TMTC2: variants seen among roughly 807,000 people sequenced by gnomAD.
The protein encoded by TMTC2 is protein O-mannosyl-transferase TMTC2.
In TMTC2, 43 loss-of-function variants were observed where a neutral mutation model predicts 82.4. The observed-to-expected ratio is 0.52, with a 90% CI of 0.41 to 0.67. The LOEUF (loss-of-function observed/expected upper bound fraction) is 0.67. Among genes scored for constraint, TMTC2 ranks in the 30% least tolerant of loss-of-function variants. The probability of loss-of-function intolerance (pLI) is 0.00; values close to 1 mark genes in which losing one functional copy is unlikely to be tolerated. For missense variants in TMTC2, 919 were observed against 1,012.4 expected (o/e 0.91, Z 1.25); for synonymous variants, 408 against 381.9 (o/e 1.07, Z -0.80).
At chr12:83,104,217 C>T (rs1391546000) in intron 11 of TMTC2, among the ~76,000 whole-genome samples, 1 of 152,204 alleles carries the variant, frequency 6.6e-6, no homozygotes, top group East Asian at 1.9e-4. Context: ...GCCCAGAGTG[C>T]AATCTCCTGG....
intron 2 of TMTC2, among the ~76,000 whole-genome samples, chr12:82,881,681 C>G (rs959448152): frequency 6.6e-6 from 1 of 152,206 alleles, no homozygotes; most frequent in Non-Finnish European, 1.5e-5. Flanking sequence ...ATGAAATACT[C>G]CACTAGCTTA....
intron 1 of TMTC2, among the ~76,000 whole-genome samples, chr12:82,846,344 C>T (rs1022332496): frequency 1.1e-4 from 16 of 151,894 alleles, no homozygotes; most frequent in African/African-American, 2.2e-4. Context: ...GGCAACAGAA[C>T]GAGACTCTGT....
In TMTC2 at chr12:82,965,093, C is replaced by G. The variant is rs760845344; in HGVS notation, c.1668C>G (p.Ser556Arg). The change falls in exon 5 of 12, where the codon AGC (serine) becomes AGG (arginine). Residue 556 changes from serine to arginine, a missense_variant. By Grantham distance (110) the Ser-to-Arg change is moderately radical. Transcript: ENST00000321196. ...ATTATTATAAATTGGCCATTGGGAG[C>G]AGGCCTACCCTGGCTTGTAAGTAAT... ...ALHYYKLAIGSRPTLASAYLN... is the reference protein window; with the variant it reads ...ALHYYKLAIGRRPTLASAYLN... The G allele has an allele frequency of 6.2e-7, 1 of 1,611,162 alleles. No homozygotes were observed. The highest frequency in any genetic ancestry group is 2.2e-5 in the East Asian group (1 of 44,766).
chr12:83,014,349 G>A (rs986140653), intron 8 of TMTC2, among the ~76,000 whole-genome samples: 1 of 151,922 alleles, frequency 6.6e-6, no homozygotes, highest in Non-Finnish European at 1.5e-5. Context: ...TTTGGTTTTT[G>A]TTTTGTTTTG....
At chr12:82,781,707 T>C (rs1393350259) in intron 1 of TMTC2, among the ~76,000 whole-genome samples, 2 of 150,586 alleles carry the variant, frequency 1.3e-5, no homozygotes, top group African/African-American at 4.9e-5. Context: ...TTATTGTTTT[T>C]TTTTTTTTTT....
At chr12:83,064,973 C>A (rs564971423) in intron 11 of TMTC2, among the ~76,000 whole-genome samples, 1 of 151,884 alleles carries the variant, frequency 6.6e-6, no homozygotes, top group Non-Finnish European at 1.5e-5. Context: ...TAGTTTTATC[C>A]CCTACACAGT....
intron 1 of TMTC2, among the ~76,000 whole-genome samples, chr12:82,799,980 A>G (rs2137034471): frequency 6.6e-6 from 1 of 152,130 alleles, no homozygotes; most frequent in Middle Eastern, 3.4e-3. Context: ...CAGATTACAT[A>G]GTATAATAAA....
chr12:82,742,743 C>G (rs529818788), intron 1 of TMTC2, among the ~76,000 whole-genome samples: 1 of 152,154 alleles, frequency 6.6e-6, no homozygotes, highest in South Asian at 2.1e-4. Context: ...AGGCTGGTCT[C>G]GAACTCCTGA....
Position 83,041,693 on chromosome 12 carries a change from A to G in TMTC2, c.2153-9211A>G, listed in dbSNP as rs567125754. On this transcript the variant is annotated intron_variant, in intron 9 of 11. Transcript: ENST00000321196. ...GGGGATAATTGCAGGAGGATGGAAG[A>G]TTATAGGTAACCTTACAAATAAGAG... Among the ~76,000 whole-genome samples, 10 of 152,342 alleles carry G rather than the reference A, an allele frequency of 6.6e-5. No homozygotes were observed. In the South Asian group the frequency reaches 1.9e-3, roughly 28 times the overall value.
At chr12:82,904,956 T>G (rs979519520) in intron 3 of TMTC2, among the ~76,000 whole-genome samples, 5 of 151,544 alleles carry the variant, frequency 3.3e-5, no homozygotes, top group Admixed American at 1.3e-4. Context: ...CTCCCTAAAC[T>G]AATCCATTCT....
intron 1 of TMTC2, among the ~76,000 whole-genome samples, chr12:82,748,992 G>T (rs1043985573): frequency 6.6e-6 from 1 of 152,176 alleles, no homozygotes; most frequent in South Asian, 2.1e-4. Flanking sequence ...TTTGTGCTAC[G>T]CATTGTTTGT....
chr12:82,883,055 C>CAAAA (rs66496024), intron 2 of TMTC2, among the ~76,000 whole-genome samples: 7 of 68,252 alleles, frequency 1.0e-4, no homozygotes, highest in Non-Finnish European at 2.3e-4. Flanking sequence ...AACTTGGTCT[C>CAAAA]AAAAAAAAAA....
intron 1 of TMTC2, among the ~76,000 whole-genome samples, chr12:82,714,833 T>C (rs1333458215): frequency 2.0e-5 from 3 of 152,176 alleles, no homozygotes; most frequent in African/African-American, 7.2e-5. Flanking sequence ...CTTCTCAGTT[T>C]ATTGGTCTTC....
chr12:82,871,696 T>TGTGTGTGTGC, intron 2 of TMTC2, among the ~76,000 whole-genome samples: 1 of 150,630 alleles, frequency 6.6e-6, no homozygotes, highest in African/African-American at 2.5e-5. Context: ...TGTGTGTGTG[T>TGTGTGTGTGC]GTGTGTGTGT....
intron 1 of TMTC2, among the ~76,000 whole-genome samples, chr12:82,840,462 TTTAC>T (rs1870271084): frequency 6.6e-6 from 1 of 152,246 alleles, no homozygotes; most frequent in Non-Finnish European, 1.5e-5. Context: ...ATGTTTAAAT[TTTAC>T]TTGTTCATTT....
chr12:82,830,736 T>C (rs992201039), intron 1 of TMTC2, among the ~76,000 whole-genome samples: 2 of 152,320 alleles, frequency 1.3e-5, no homozygotes, highest in East Asian at 3.9e-4. Flanking sequence ...TCTTCATTCA[T>C]TGGAATACTC....
chr12:82,699,488 C>G (rs931533950), intron 1 of TMTC2, among the ~76,000 whole-genome samples: 2 of 152,184 alleles, frequency 1.3e-5, no homozygotes, highest in Non-Finnish European at 2.9e-5. Flanking sequence ...CATGGTCTCT[C>G]TCTTCATTGA....
chr12:82,963,930 A>C (rs1383893359), intron 4 of TMTC2, among the ~76,000 whole-genome samples: 2 of 148,146 alleles, frequency 1.4e-5, no homozygotes, highest in Admixed American at 1.4e-4. Context: ...GAAGTTTTTA[A>C]TATATGCTTT....
At chr12:83,104,312 G>C (rs1217155016) in intron 11 of TMTC2, among the ~76,000 whole-genome samples, 2 of 152,190 alleles carry the variant, frequency 1.3e-5, no homozygotes, top group Admixed American at 1.3e-4. Context: ...GTTCTATGTG[G>C]CGGCTCCAAC....
Sources: allele counts gnomAD v4.1 joint callset (sites outside exome capture counted in the v4.1 genomes callset), GRCh38; gene constraint gnomAD v4.1.1; transcripts MANE v1.5; gene names NCBI Gene and HGNC (gene_info 2026-07-23, HGNC 2026-07-21).